NOVA2: variants seen among roughly 807,000 people sequenced by gnomAD.
NOVA2 encodes RNA-binding protein Nova-2.
A neutral mutation model predicts 22.5 loss-of-function variants in NOVA2; 9 were observed. The ratio of observed to expected loss-of-function variants is 0.40; its 90% CI spans 0.24 to 0.70. The LOEUF (loss-of-function observed/expected upper bound fraction) is 0.70. Ranked by LOEUF, NOVA2 falls within the 30% of genes least tolerant of loss-of-function variation. The pLI, the probability that NOVA2 is intolerant of heterozygous loss-of-function variation, is 0.38. For synonymous variants in NOVA2, 318 were observed against 335.2 expected (o/e 0.95, Z 0.56); for missense variants, 383 against 682.8 (o/e 0.56, Z 4.89).
In NOVA2 at chr19:45,935,591, C is replaced by T. The variant is rs1468405758; in HGVS notation, c.*4272G>A. 6.6e-6 allele frequency: 1 copy of T among 152,230 alleles called. No individual in the cohort carries two copies. The highest frequency in any genetic ancestry group is 1.5e-5 in the Non-Finnish European group (1 of 68,058). The allele number at this position is 152,230 out of a possible 1,614,324, so 9.4% of individuals were successfully genotyped here. On this transcript the variant is annotated 3_prime_UTR_variant, in exon 4 of 4. Coordinates refer to ENST00000263257, the MANE Select transcript of NOVA2 (RefSeq NM_002516.4). ...CTGGCTGGCTGTACCGACAGGCGGG[C>T]ACTCAGTCAGCAGCCTGGACGCCCC...
intron 3 of NOVA2, 79 bp from the exon 4 acceptor site, chr19:45,941,024 T>G: frequency 7.3e-7 from 1 of 1,369,270 alleles, no homozygotes; most frequent in Non-Finnish European, 9.8e-7. Context: ...GCACGGTGGC[T>G]GTCGCCTGTA....
chr19:45,953,720 GGAAT>G (rs1967961327), intron 3 of NOVA2, 56 bp downstream of exon 3: 14 of 1,594,734 alleles, frequency 8.8e-6, no homozygotes, highest in Non-Finnish European at 1.1e-5. Context: ...TGATGTGGGA[GGAAT>G]GTTTCTTTGT....
At chr19:45,972,828 C>T (rs918320676) in intron 1 of NOVA2, among the ~76,000 whole-genome samples, 20 of 152,284 alleles carry the variant, frequency 1.3e-4, no homozygotes, top group Admixed American at 1.2e-3. Flanking sequence ...CTGGGACAAC[C>T]CTTGTTCAGG....
At chr19:45,962,956 A>G (rs891764527) in intron 1 of NOVA2, among the ~76,000 whole-genome samples, 2 of 151,868 alleles carry the variant, frequency 1.3e-5, no homozygotes, top group African/African-American at 4.8e-5. Flanking sequence ...CTTATTATAA[A>G]CCAGTTTTTT....
chr19:45,963,901 AC>A (rs772233602), intron 1 of NOVA2, among the ~76,000 whole-genome samples: 14 of 151,890 alleles, frequency 9.2e-5, no homozygotes, highest in Non-Finnish European at 1.5e-4. Context: ...CTTTCCTTGA[AC>A]CCCAAAGATA....
At chr19:45,967,012 A>G (rs116890812) in intron 1 of NOVA2, among the ~76,000 whole-genome samples, 1 of 152,226 alleles carries the variant, frequency 6.6e-6, no homozygotes, top group Non-Finnish European at 1.5e-5. Context: ...AAGTTTGTCC[A>G]TGGACCACCT....
rs574703482 is a variant in NOVA2 at position 45,939,846 on chromosome 19, A to G, written c.*17T>C. 3 of 1,613,624 alleles carry G rather than the reference A, an allele frequency of 1.9e-6. No individual in the cohort carries two copies. Among genetic ancestry groups the G allele is most frequent in the African/African-American group, 1.3e-5 (1 of 75,000 alleles). On this transcript the variant is annotated 3_prime_UTR_variant, in exon 4 of 4. Transcript: ENST00000263257. ...AGATGGGAGGAGAGAAAAGGGTGGG[A>G]GCACACACCACAGGCCTCATCCCAC...
At chr19:45,955,744 G>A (rs1401947161) in intron 2 of NOVA2, among the ~76,000 whole-genome samples, 2 of 152,044 alleles carry the variant, frequency 1.3e-5, no homozygotes, top group Non-Finnish European at 2.9e-5. Flanking sequence ...TGTAGTCCCA[G>A]CTACACGGGA....
intron 2 of NOVA2, among the ~76,000 whole-genome samples, chr19:45,956,886 T>C (rs1023352762): frequency 3.3e-5 from 5 of 152,208 alleles, no homozygotes; most frequent in African/African-American, 9.7e-5. Context: ...TAGATGGTAG[T>C]GGATGTTCAG....
rs1166699276 is a variant in NOVA2, at chr19:45,973,824, C to A, written c.-473G>T. Among the ~76,000 whole-genome samples the A allele has an allele frequency of 6.6e-6, 1 of 151,280 alleles. No individual in the cohort carries two copies. The highest frequency in any genetic ancestry group is 1.5e-5 in the Non-Finnish European group (1 of 67,718). Reference sequence around the variant, plus strand: ...TGGACGCGCCACTGGGGGGACGGGACTCCCCGCTTCTTCTTGGCTCCCTGG... The same window carrying A: ...TGGACGCGCCACTGGGGGGACGGGAATCCCCGCTTCTTCTTGGCTCCCTGG... On this transcript the variant is annotated 5_prime_UTR_variant, in exon 1 of 4. Coordinates refer to ENST00000263257, the MANE Select transcript of NOVA2 (RefSeq NM_002516.4).
At chr19:45,957,821 G>A (rs1257109295) in intron 2 of NOVA2, among the ~76,000 whole-genome samples, 1 of 151,936 alleles carries the variant, frequency 6.6e-6, no homozygotes, top group Non-Finnish European at 1.5e-5. Flanking sequence ...AGAATCCCTA[G>A]GGTGGCCGGT....
intron 3 of NOVA2, 73 bp from the exon 4 acceptor site, chr19:45,941,018 G>C: frequency 7.1e-7 from 1 of 1,400,836 alleles, no homozygotes; most frequent in Non-Finnish European, 9.5e-7. Flanking sequence ...GGCTGGGCAC[G>C]GTGGCTGTCG....
intron 2 of NOVA2, among the ~76,000 whole-genome samples, 174 bp from the exon 3 acceptor site, chr19:45,954,120 G>C (rs1967968046): frequency 6.6e-6 from 1 of 152,182 alleles, no homozygotes; most frequent in Non-Finnish European, 1.5e-5. Flanking sequence ...TGGGCAGCTG[G>C]GAGAATGAGT....
chr19:45,973,197 G>C (rs984284066), intron 1 of NOVA2, 70 bp downstream of exon 1: 68 of 780,800 alleles, frequency 8.7e-5, no homozygotes, highest in Middle Eastern at 4.2e-4. Flanking sequence ...GCCACGGGAG[G>C]GGGGGAAAGG....
rs1203221803 is a variant in NOVA2, at chr19:45,938,461, A to G, written c.*1402T>C. ...CAAGGGACCCTACTATGGCTCACTG[A>G]ACTCTACACCTGGCCATACTGGCCT... On this transcript the variant is annotated 3_prime_UTR_variant, in exon 4 of 4. Coordinates refer to ENST00000263257, the MANE Select transcript of NOVA2 (RefSeq NM_002516.4). 1 of 152,414 alleles carries G rather than the reference A, an allele frequency of 6.6e-6. No homozygotes were observed. Among genetic ancestry groups the G allele is most frequent in the Non-Finnish European group, 1.5e-5 (1 of 68,098 alleles). The allele number at this position is 152,414 out of a possible 1,614,324, so 9.4% of individuals were successfully genotyped here.
In NOVA2 at chr19:45,955,931, T is replaced by C. The variant is rs536206788; in HGVS notation, c.230-1985A>G. ...ACCAGGCACCGTGTGGCTGTGTACCTGTGTGTCTGGGATACCTGGGGTGTG... is the reference window on the plus strand; with the variant it reads ...ACCAGGCACCGTGTGGCTGTGTACCCGTGTGTCTGGGATACCTGGGGTGTG... On this transcript the variant is annotated intron_variant, in intron 2 of 3. Transcript: ENST00000263257. Among the ~76,000 whole-genome samples, 93 of 152,166 alleles carry C rather than the reference T, an allele frequency of 6.1e-4. 4 individuals are homozygous for C. In the South Asian group the frequency reaches 0.018, roughly 30 times the overall value.
At chr19:45,957,544 A>G (rs897467054) in intron 2 of NOVA2, among the ~76,000 whole-genome samples, 1 of 151,698 alleles carries the variant, frequency 6.6e-6, no homozygotes, top group Non-Finnish European at 1.5e-5. Context: ...TGTCTAAAAA[A>G]AAAAAAAAAA....
At position 45,938,051 on chromosome 19, in the gene NOVA2, C is replaced by A. The variant is rs1017336532; in HGVS notation, c.*1812G>T. 6.6e-6 allele frequency: 1 copy of A among 152,144 alleles called. No homozygotes were observed. Among genetic ancestry groups the A allele is most frequent in the Non-Finnish European group, 1.5e-5 (1 of 68,054 alleles). 9.4% of individuals were successfully genotyped at this position (152,144 alleles called of 1,614,324 possible). ...GGGTGGGCATGGGGCGCCCCTCCCC[C>A]AGAGATGCTGATGATGGAACCAGGG... On this transcript the variant is annotated 3_prime_UTR_variant, in exon 4 of 4. Transcript: ENST00000263257.
intron 1 of NOVA2, chr19:45,962,521 C>T (rs969415868): frequency 1.3e-5 from 2 of 152,612 alleles, no homozygotes; most frequent in African/African-American, 4.8e-5. Flanking sequence ...ACCCTCCACT[C>T]CTGGGGGGAC....
Sources: allele counts gnomAD v4.1 joint callset (sites outside exome capture counted in the v4.1 genomes callset), GRCh38; gene constraint gnomAD v4.1.1; transcripts MANE v1.5; gene names NCBI Gene and HGNC (gene_info 2026-07-23, HGNC 2026-07-21).